KLHL1: variants seen among roughly 807,000 people sequenced by gnomAD.
The protein encoded by KLHL1 is kelch-like protein 1.
KLHL1 carries 47 observed loss-of-function variants against 77.7 expected under a neutral mutation model. That is an observed-to-expected ratio of 0.60 (90% CI 0.48 to 0.77). The LOEUF (loss-of-function observed/expected upper bound fraction) is 0.77, where lower values mean the gene tolerates loss of function less well. Ranked by LOEUF, KLHL1 falls within the 30% of genes least tolerant of loss-of-function variation. The pLI, the probability that KLHL1 is intolerant of heterozygous loss-of-function variation, is 0.00. For missense variants in KLHL1, 925 were observed against 910.8 expected (o/e 1.02, Z -0.20); for synonymous variants, 360 against 325.2 (o/e 1.11, Z -1.15).
chr13:69,887,578 C>T (rs190370769), intron 4 of KLHL1, among the ~76,000 whole-genome samples: 1 of 152,128 alleles, frequency 6.6e-6, no homozygotes. Context: ...AGTGTTTTGC[C>T]ACTCACAAGT....
chr13:70,105,832 A>G (rs1054661818), intron 1 of KLHL1, among the ~76,000 whole-genome samples: 3 of 151,046 alleles, frequency 2.0e-5, no homozygotes, highest in African/African-American at 7.2e-5. Context: ...AATGATAGAT[A>G]AACTTATATT....
intron 1 of KLHL1, among the ~76,000 whole-genome samples, chr13:70,095,486 G>A (rs1169085997): frequency 6.6e-6 from 1 of 152,030 alleles, no homozygotes; most frequent in East Asian, 1.9e-4. Flanking sequence ...AGTGAGACTG[G>A]GCCAATTGCT....
intron 1 of KLHL1, among the ~76,000 whole-genome samples, chr13:70,075,491 AAAT>A (rs1251396224): frequency 1.3e-5 from 2 of 148,210 alleles, no homozygotes; most frequent in African/African-American, 4.9e-5. Context: ...CAACTGAAGC[AAAT>A]AACAATTAAT....
At chr13:70,012,702 A>T (rs1175044952) in intron 1 of KLHL1, among the ~76,000 whole-genome samples, 1 of 151,950 alleles carries the variant, frequency 6.6e-6, no homozygotes, top group African/African-American at 2.4e-5. Flanking sequence ...CGAGGTCAGG[A>T]GATCGAGACC....
intron 1 of KLHL1, among the ~76,000 whole-genome samples, chr13:70,047,213 G>A (rs1886522564): frequency 1.4e-5 from 2 of 140,860 alleles, no homozygotes; most frequent in South Asian, 2.2e-4. Flanking sequence ...TGAAACATAA[G>A]AAAACTTATA....
chr13:69,932,778 T>A (rs1299225911), intron 4 of KLHL1, among the ~76,000 whole-genome samples: 2 of 151,886 alleles, frequency 1.3e-5, no homozygotes, highest in African/African-American at 4.8e-5. Flanking sequence ...AACAAAAATA[T>A]GCAAATAAGG....
At chr13:69,863,415 C>G (rs998733948) in intron 5 of KLHL1, among the ~76,000 whole-genome samples, 1 of 151,742 alleles carries the variant, frequency 6.6e-6, no homozygotes, top group Non-Finnish European at 1.5e-5. Context: ...AAACATATGT[C>G]GTTTGCTTCT....
At chr13:69,739,104 T>C (rs1478406468) in intron 8 of KLHL1, among the ~76,000 whole-genome samples, 1 of 152,016 alleles carries the variant, frequency 6.6e-6, no homozygotes, top group Non-Finnish European at 1.5e-5. Flanking sequence ...TATTCAACAG[T>C]TTTAAAGACA....
chr13:69,724,361 A>G (rs935833700), intron 8 of KLHL1, among the ~76,000 whole-genome samples: 7 of 152,116 alleles, frequency 4.6e-5, no homozygotes, highest in African/African-American at 1.7e-4. Flanking sequence ...TTGGCAATAT[A>G]AACTTTCTAA....
chr13:69,859,710 A>G (rs1006542726), intron 5 of KLHL1, among the ~76,000 whole-genome samples: 1 of 152,170 alleles, frequency 6.6e-6, no homozygotes, highest in African/African-American at 2.4e-5. Context: ...AACAGAAACC[A>G]GTTAGATTTG....
chr13:69,926,296 T>C (rs1299196468), intron 4 of KLHL1, among the ~76,000 whole-genome samples: 1 of 152,150 alleles, frequency 6.6e-6, no homozygotes, highest in Non-Finnish European at 1.5e-5. Flanking sequence ...ATTATATAGC[T>C]TAAGTTATTT....
chr13:69,885,346 A>G (rs982485601), intron 4 of KLHL1, among the ~76,000 whole-genome samples: 5 of 152,134 alleles, frequency 3.3e-5, no homozygotes, highest in Non-Finnish European at 4.4e-5. Context: ...TGTTTGTACA[A>G]ACTGCTATAA....
intron 2 of KLHL1, among the ~76,000 whole-genome samples, chr13:69,962,837 T>A (rs1427665082): frequency 6.6e-6 from 1 of 152,098 alleles, no homozygotes; most frequent in African/African-American, 2.4e-5. Context: ...TGTAACAACT[T>A]TTAGAATAAA....
intron 4 of KLHL1, among the ~76,000 whole-genome samples, chr13:69,908,949 A>G (rs1566389530): frequency 6.7e-6 from 1 of 149,878 alleles, no homozygotes; most frequent in Non-Finnish European, 1.5e-5. Flanking sequence ...TACTAGGTAT[A>G]ATAAAATTAC....
intron 1 of KLHL1, among the ~76,000 whole-genome samples, chr13:70,044,538 A>G (rs181550097): frequency 2.1e-3 from 320 of 152,194 alleles, no homozygotes; most frequent in African/African-American, 7.2e-3. Flanking sequence ...GTATCAGTTT[A>G]TGGAAAATTT....
chr13:69,780,929 G>T (rs1387252463), intron 7 of KLHL1, among the ~76,000 whole-genome samples: 4 of 151,686 alleles, frequency 2.6e-5, no homozygotes, highest in African/African-American at 9.7e-5. Flanking sequence ...CAAAGCGGCA[G>T]ATTTCTCCAC....
intron 4 of KLHL1, among the ~76,000 whole-genome samples, chr13:69,884,924 T>TTTTTCTTTTC (rs138497758): frequency 9.9e-6 from 1 of 101,078 alleles, no homozygotes; most frequent in South Asian, 3.6e-4. Flanking sequence ...ACTACAGCAC[T>TTTTTCTTTTC]TTTTCTTTTC....
chr13:69,829,822 G>A (rs778702991), intron 6 of KLHL1, among the ~76,000 whole-genome samples: 15 of 149,826 alleles, frequency 1.0e-4, no homozygotes, highest in Non-Finnish European at 1.9e-4. Context: ...AACAATTATC[G>A]ACCAAGAATT....
chr13:70,073,437 T>C (rs1280730179), intron 1 of KLHL1, among the ~76,000 whole-genome samples: 3 of 152,004 alleles, frequency 2.0e-5, no homozygotes, highest in African/African-American at 4.8e-5. Context: ...AGGGATAGCA[T>C]TAGGAGATAT....
Sources: gnomAD v4.1 joint callset for allele counts (sites outside exome capture counted in the v4.1 genomes callset) on GRCh38, gnomAD v4.1.1 for gene constraint, MANE v1.5 for transcripts, NCBI Gene and HGNC (gene_info 2026-07-23, HGNC 2026-07-21) for gene names.